TBCD: variants seen among roughly 807,000 people sequenced by gnomAD.
TBCD encodes tubulin-specific chaperone D.
Under a neutral mutation model 169.3 loss-of-function variants are expected in TBCD, and 105 were observed. The ratio of observed to expected loss-of-function variants is 0.62; its 90% CI spans 0.53 to 0.73. The LOEUF is 0.73. TBCD is among the 30% of genes least tolerant of loss of function. The pLI, the probability that TBCD is intolerant of heterozygous loss-of-function variation, is 0.00. For missense variants in TBCD, 1,444 were observed against 1,600.1 expected (o/e 0.90, Z 1.66); for synonymous variants, 700 against 643.9 (o/e 1.09, Z -1.32).
intron 2 of TBCD, among the ~76,000 whole-genome samples, chr17:82,759,849 T>A: frequency 7.0e-6 from 1 of 142,570 alleles, no homozygotes; most frequent in South Asian, 2.1e-4. Flanking sequence ...TCCATTGACC[T>A]ATCTGTATGC....
Position 82,920,280 on chromosome 17 carries a change from C to T in TBCD, c.2039-276C>T, listed in dbSNP as rs552974479. On this transcript the variant is annotated intron_variant, in intron 23 of 38. Coordinates refer to ENST00000355528, the MANE Select transcript of TBCD (RefSeq NM_005993.5). This position sits in a 1 kb window ranked among gnomAD's most constrained non-coding sequence, Gnocchi z 4.1. ...GCTCCCTGACAGGCCGGCCCGGCTT[C>T]TCTGAAGTGCACGTGGGCTCACACA... Among the ~76,000 whole-genome samples, 3 of 152,374 alleles carry T rather than the reference C, an allele frequency of 2.0e-5. No individual in the cohort carries two copies. The highest frequency in any genetic ancestry group is 7.2e-5 in the African/African-American group (3 of 41,592).
intron 6 of TBCD, among the ~76,000 whole-genome samples, chr17:82,774,217 C>T (rs993928933): frequency 3.3e-5 from 5 of 152,056 alleles, no homozygotes; most frequent in African/African-American, 2.4e-5. Flanking sequence ...GTGTTTTTGT[C>T]CCTGGGTACT....
In TBCD at chr17:82,920,772, A is replaced by G. The variant is rs928846899; in HGVS notation, c.2101+154A>G. Among the ~76,000 whole-genome samples, 1 of 148,682 alleles carries G rather than the reference A, an allele frequency of 6.7e-6. No individual in the cohort carries two copies. Among genetic ancestry groups the G allele is most frequent in the Admixed American group, 6.7e-5 (1 of 14,842 alleles). On this transcript the variant is annotated intron_variant, in intron 24 of 38. Transcript: ENST00000355528. The surrounding 1 kb of genome is among the most constrained non-coding windows in gnomAD (Gnocchi z 4.1). The stretch of plus-strand genomic sequence containing the variant: ...ACGTTGCCTTGAAGTTGTTACAAGA[A>G]CCTGCTTAAATAATGGGTACCCACC...
chr17:82,780,275 C>T (rs2048859248), intron 6 of TBCD, among the ~76,000 whole-genome samples: 1 of 152,124 alleles, frequency 6.6e-6, no homozygotes, highest in Non-Finnish European at 1.5e-5. Flanking sequence ...TCTAACGAGG[C>T]CATGCCCTCC....
chr17:82,893,752 T>C (rs912610468), intron 17 of TBCD, 120 bp downstream of exon 17: 5 of 748,352 alleles, frequency 6.7e-6, no homozygotes, highest in African/African-American at 5.3e-5. Flanking sequence ...AATGTAGTTT[T>C]TGTGTGAAAA....
intron 13 of TBCD, among the ~76,000 whole-genome samples, chr17:82,848,216 G>C: frequency 6.6e-6 from 1 of 152,180 alleles, no homozygotes; most frequent in East Asian, 1.9e-4. Flanking sequence ...CGGAAATGGG[G>C]CTTCTGGCGG....
intron 13 of TBCD, among the ~76,000 whole-genome samples, chr17:82,816,699 A>T (rs1490075453): frequency 6.8e-6 from 1 of 147,124 alleles, no homozygotes; most frequent in East Asian, 2.0e-4. Context: ...ATGCCACATT[A>T]ATTTTTTTTT....
intron 7 of TBCD, among the ~76,000 whole-genome samples, chr17:82,784,571 G>T (rs1598477245): frequency 6.6e-6 from 1 of 152,206 alleles, no homozygotes; most frequent in East Asian, 1.9e-4. Context: ...TCTGGTAAAG[G>T]TGGTGGATTT....
chr17:82,816,022 T>C (rs1445629555), intron 13 of TBCD, among the ~76,000 whole-genome samples: 1 of 152,208 alleles, frequency 6.6e-6, no homozygotes, highest in Non-Finnish European at 1.5e-5. Context: ...AACATTTTCA[T>C]TGCCTCCAAA....
At chr17:82,847,356 G>GAAAAAAAAAAAAAAAAAAAAAAAAA (rs1041994030) in intron 13 of TBCD, among the ~76,000 whole-genome samples, 1 of 81,756 alleles carries the variant, frequency 1.2e-5, no homozygotes, top group Non-Finnish European at 2.4e-5. Context: ...CCATGTCAAA[G>GAAAAAAAAAAAAAAAAAAAAAAAAA]AAAAAAAAAA....
At chr17:82,754,736 T>C (rs1286349103) in intron 1 of TBCD, among the ~76,000 whole-genome samples, 1 of 152,222 alleles carries the variant, frequency 6.6e-6, no homozygotes, top group Non-Finnish European at 1.5e-5. Flanking sequence ...CAGATCACTT[T>C]TGCAAAGGCA....
intron 9 of TBCD, among the ~76,000 whole-genome samples, chr17:82,801,989 A>G (rs2050600588): frequency 6.7e-6 from 1 of 150,272 alleles, no homozygotes; most frequent in African/African-American, 2.5e-5. Flanking sequence ...GGGTCAGCTC[A>G]GCCTCCCTGG....
chr17:82,871,821 G>A (rs542262430), intron 14 of TBCD, among the ~76,000 whole-genome samples: 3 of 152,210 alleles, frequency 2.0e-5, no homozygotes, highest in Non-Finnish European at 4.4e-5. Context: ...GTGGGGCTTC[G>A]TCTTTTGGAC....
At chr17:82,827,997 G>A (rs569655612) in intron 13 of TBCD, among the ~76,000 whole-genome samples, 60 of 143,736 alleles carry the variant, frequency 4.2e-4, no homozygotes, top group South Asian at 1.6e-3. Flanking sequence ...CCAATCGAAC[G>A]CACACACACC....
At chr17:82,913,374 A>G (rs1280129591) in intron 23 of TBCD, 1 of 152,306 alleles carries the variant, frequency 6.6e-6, no homozygotes, top group Non-Finnish European at 1.5e-5. Context: ...AAGTCTGCAC[A>G]GGAGCCACTG....
chr17:82,897,532 AAAT>A (rs1263775247), intron 17 of TBCD, among the ~76,000 whole-genome samples: 2 of 151,950 alleles, frequency 1.3e-5, no homozygotes, highest in Non-Finnish European at 2.9e-5. Flanking sequence ...AAAAAAAAAA[AAAT>A]CAGCTTTATC....
intron 13 of TBCD, among the ~76,000 whole-genome samples, chr17:82,839,517 C>T (rs7342901): frequency 1.7e-3 from 251 of 151,498 alleles, no homozygotes; most frequent in African/African-American, 5.4e-3. Context: ...AATGTACATA[C>T]ACCACACATA....
chr17:82,903,620 T>C lies in TBCD; in HGVS notation c.1804+142T>C, dbSNP rs1408652201. ...AGCATCTGAGGAAAGAGCTGTGGAC[T>C]TGATCAGTGGATAGGCTGTGAGGAC... On this transcript the variant is annotated intron_variant, in intron 19 of 38. Transcript: ENST00000355528. The surrounding 1 kb of genome is among the most constrained non-coding windows in gnomAD (Gnocchi z 4.8). 3.5e-6 allele frequency: 3 copies of C among 867,278 alleles called. No homozygotes were observed. The highest frequency in any genetic ancestry group is 5.3e-5 in the East Asian group (2 of 37,400). The allele number at this position is 867,278 out of a possible 1,614,324, so 53.7% of individuals were successfully genotyped here. A position where few individuals can be genotyped will look rare whatever the true frequency, so the allele number is the denominator to read the frequency against.
rs2049524637 is a variant in TBCD, at chr17:82,789,245, C to T, written c.771+7524C>T. Among the ~76,000 whole-genome samples the T allele has an allele frequency of 6.6e-6, 1 of 152,210 alleles. No individual in the cohort carries two copies. The highest frequency in any genetic ancestry group is 6.5e-5 in the Admixed American group (1 of 15,288). ...GCAGCCAGCTCCTAACACTCATTTC[C>T]CATCACTCAGCATTTTATGTGGGGC... On this transcript the variant is annotated intron_variant, in intron 7 of 38. Transcript: ENST00000355528. The surrounding 1 kb of genome is among the most constrained non-coding windows in gnomAD (Gnocchi z 4.8).
Sources: allele counts gnomAD v4.1 joint callset (sites outside exome capture counted in the v4.1 genomes callset), GRCh38; gene constraint gnomAD v4.1.1; non-coding constraint Gnocchi (gnomAD v3.1); transcripts MANE v1.5; gene names NCBI Gene and HGNC (gene_info 2026-07-23, HGNC 2026-07-21).